The following DIP2C variants were observed in gnomAD, a reference collection of about 807,000 sequenced individuals.
The protein encoded by DIP2C is disco-interacting protein 2 homolog C.
A neutral mutation model predicts 192.4 loss-of-function variants in DIP2C; 33 were observed. The observed-to-expected ratio is 0.17, with a 90% CI of 0.13 to 0.23. DIP2C has a LOEUF of 0.23. DIP2C is among the 10% of genes least tolerant of loss of function. The probability of loss-of-function intolerance (pLI) is 1.00; values close to 1 mark genes in which losing one functional copy is unlikely to be tolerated. For missense variants in DIP2C, 1,537 were observed against 2,110.1 expected, an observed-to-expected ratio of 0.73 and a Z score of 5.32; for synonymous variants, 979 against 864.1, an observed-to-expected ratio of 1.13 and a Z score of -2.33.
rs542392053 is a variant in DIP2C, at chr10:624,882, G to C, written c.85+64612C>G. On this transcript the variant is annotated intron_variant, in intron 1 of 36. Coordinates refer to ENST00000280886, the MANE Select transcript of DIP2C (RefSeq NM_014974.3). The stretch of plus-strand genomic sequence containing the variant: ...CATGTGGCCGGGAGAACCCGGGGGG[G>C]GAGCCGCACTGGGGACAGAGGGGTG... 1.9e-4 allele frequency among the ~76,000 whole-genome samples: 29 copies of C among 152,288 alleles called. No individual in the cohort carries two copies. In the South Asian group the frequency reaches 3.5e-3, roughly 19 times the overall value.
chr10:564,112 G>C (rs1301686423), intron 1 of DIP2C, among the ~76,000 whole-genome samples: 1 of 152,152 alleles, frequency 6.6e-6, no homozygotes, highest in Non-Finnish European at 1.5e-5. Context: ...AACAGAAAAA[G>C]ACTTAGGGGA....
chr10:399,416 G>A (rs1256276962), intron 9 of DIP2C, among the ~76,000 whole-genome samples, 197 bp from the exon 10 acceptor site: 1 of 152,216 alleles, frequency 6.6e-6, no homozygotes, highest in Admixed American at 6.5e-5. Flanking sequence ...AACGTGAACA[G>A]TCGTCTATGA....
In DIP2C at chr10:309,982, A is replaced by T. The variant is rs777955587; in HGVS notation, c.3986+49T>A. Reference sequence around the variant, plus strand: ...TGGAGACCTGCATGCAAGGCCGCAGAACAAAACAAAAAAAGGAAAAAAAGA... The same window carrying T: ...TGGAGACCTGCATGCAAGGCCGCAGTACAAAACAAAAAAAGGAAAAAAAGA... On this transcript the variant is annotated intron_variant, in intron 32 of 36. Transcript: ENST00000280886. The T allele has an allele frequency of 1.4e-5, 22 of 1,592,326 alleles. No homozygotes were observed. The South Asian group carries it at 2.3e-4, about 17-fold the overall frequency.
chr10:332,307 A>C (rs911610591), intron 29 of DIP2C, among the ~76,000 whole-genome samples: 1 of 152,244 alleles, frequency 6.6e-6, no homozygotes, highest in African/African-American at 2.4e-5. Flanking sequence ...TTGTCAGCAC[A>C]CAACGGGCTT....
intron 1 of DIP2C, among the ~76,000 whole-genome samples, chr10:543,523 C>T (rs1037788887): frequency 7.2e-5 from 11 of 152,290 alleles, no homozygotes; most frequent in East Asian, 1.9e-4. Context: ...TTTACATGTC[C>T]GTTTTCCCTG....
chr10:367,279 CAGTGGCGGGCG>C (rs1960372946), intron 18 of DIP2C, among the ~76,000 whole-genome samples: 4 of 152,030 alleles, frequency 2.6e-5, no homozygotes, highest in African/African-American at 9.7e-5. Flanking sequence ...TAGCCGGGCG[CAGTGGCGGGCG>C]CCTGTAGTCC....
At chr10:615,245 T>TC (rs1347592960) in intron 1 of DIP2C, among the ~76,000 whole-genome samples, 1 of 152,176 alleles carries the variant, frequency 6.6e-6, no homozygotes, top group Non-Finnish European at 1.5e-5. Flanking sequence ...GAGATCTGTT[T>TC]CCCTGTAGGA....
intron 1 of DIP2C, among the ~76,000 whole-genome samples, chr10:576,654 A>G (rs1248378985): frequency 6.6e-6 from 1 of 152,246 alleles, no homozygotes; most frequent in African/African-American, 2.4e-5. Flanking sequence ...CAGACCTATA[A>G]TCCCAGCACT....
At position 607,511 on chromosome 10, in the gene DIP2C, T is replaced by A. The variant is rs1852580987; in HGVS notation, c.85+81983A>T. Reference sequence around the variant, plus strand: ...GTATCTATGAGATCGTCTCTACCTTTATGAGCACGTATGCTCCCTGACTTA... The same window carrying A: ...GTATCTATGAGATCGTCTCTACCTTAATGAGCACGTATGCTCCCTGACTTA... On this transcript the variant is annotated intron_variant, in intron 1 of 36. Coordinates refer to ENST00000280886, the MANE Select transcript of DIP2C (RefSeq NM_014974.3). Among the ~76,000 whole-genome samples the A allele has an allele frequency of 2.0e-5, 3 of 152,336 alleles. No individual in the cohort carries two copies. The South Asian group carries it at 6.2e-4, about 32-fold the overall frequency.
At chr10:477,921 A>G (rs1367506695) in intron 2 of DIP2C, among the ~76,000 whole-genome samples, 2 of 119,854 alleles carry the variant, frequency 1.7e-5, no homozygotes, top group Admixed American at 1.7e-4. Context: ...AAAAGACAGG[A>G]AAAGAGAGGG....
chr10:557,847 A>AAGGGGG (rs1323090319), intron 1 of DIP2C, among the ~76,000 whole-genome samples: 1 of 40,170 alleles, frequency 2.5e-5, no homozygotes, highest in Non-Finnish European at 4.1e-5. Flanking sequence ...GGCAGGCAGG[A>AAGGGGG]AGGGGGAGGG....
At chr10:353,771 G>A (rs965914256) in intron 24 of DIP2C, among the ~76,000 whole-genome samples, 15 of 152,188 alleles carry the variant, frequency 9.9e-5, no homozygotes, top group South Asian at 8.3e-4. Context: ...TGGAAGCAGC[G>A]GCTGGGGGGC....
chr10:413,990 C>T lies in DIP2C; in HGVS notation c.980G>A (p.Trp327Ter). The change falls in exon 8 of 37, where the codon TGG becomes TAG. Residue 327 changes from tryptophan to a stop codon, truncating the protein, a stop_gained. Transcript: ENST00000280886. LOFTEE classifies it high-confidence loss of function. ...GGGCGCCTTGGGCGAGATGGTGCCC[C>T]ACCTCTGCAGTGCGGCCTCCAGCGA... is the stretch of plus-strand genomic sequence containing the variant. ...PPSLEAALQR[W>*]GTISPKAPCL... 1 of 1,614,178 alleles carries T rather than the reference C, an allele frequency of 6.2e-7. No individual in the cohort carries two copies. The highest frequency in any genetic ancestry group is 8.5e-7 in the Non-Finnish European group (1 of 1,180,026).
chr10:450,955 A>G (rs1041654192), intron 3 of DIP2C, among the ~76,000 whole-genome samples: 1 of 152,166 alleles, frequency 6.6e-6, no homozygotes, highest in Non-Finnish European at 1.5e-5. Context: ...GTATATGTCC[A>G]TATGTGTGGG....
intron 25 of DIP2C, 25 bp downstream of exon 25, chr10:349,306 G>A: frequency 6.3e-7 from 1 of 1,591,926 alleles, no homozygotes; most frequent in Non-Finnish European, 8.5e-7. Context: ...CCATCTCTCA[G>A]GGGAAGCCCA....
At position 286,205 on chromosome 10, in the gene DIP2C, T is replaced by C. The variant is rs866204470; in HGVS notation, c.4119+68A>G. 1.1e-4 allele frequency: 166 copies of C among 1,466,692 alleles called. 1 individual carries two copies. The Middle Eastern group carries it at 1.3e-3, about 12-fold the overall frequency. 90.9% of individuals were successfully genotyped at this position (1,466,692 alleles called of 1,614,324 possible). On this transcript the variant is annotated intron_variant, in intron 34 of 36. Transcript: ENST00000280886. Reference sequence around the variant, plus strand: ...ATGGAGGGCATGTGAGCAGTTCTGATGGTGTCAAGGCAAGCCAAGGATACA... The same window carrying C: ...ATGGAGGGCATGTGAGCAGTTCTGACGGTGTCAAGGCAAGCCAAGGATACA...
At chr10:419,227 C>T (rs781359435) in intron 5 of DIP2C, 28 bp from the exon 6 acceptor site, 1 of 1,613,874 alleles carries the variant, frequency 6.2e-7, no homozygotes. Flanking sequence ...ATGAGATTTT[C>T]TGGTGGTTGT....
chr10:503,315 C>G (rs1261347508), intron 1 of DIP2C, among the ~76,000 whole-genome samples: 1 of 152,190 alleles, frequency 6.6e-6, no homozygotes, highest in South Asian at 2.1e-4. Context: ...GGGAAAGAAA[C>G]AGGACAATAA....
At chr10:288,842 G>A (rs1382499801) in intron 32 of DIP2C, among the ~76,000 whole-genome samples, 1 of 152,248 alleles carries the variant, frequency 6.6e-6, no homozygotes, top group African/African-American at 2.4e-5. Flanking sequence ...GCGGCCGAGA[G>A]CCCTCCCAAG....
Sources: allele counts gnomAD v4.1 joint callset (sites outside exome capture counted in the v4.1 genomes callset), GRCh38; gene constraint gnomAD v4.1.1; transcripts MANE v1.5; gene names NCBI Gene and HGNC (gene_info 2026-07-23, HGNC 2026-07-21).